The following FRMD4A variants were observed in gnomAD, a reference collection of about 807,000 sequenced individuals.
FRMD4A encodes FERM domain containing 4A, also known as FERM domain-containing protein 4A.
Under a neutral mutation model 129.1 loss-of-function variants are expected in FRMD4A, and 29 were observed. The observed-to-expected ratio is 0.22, with a 90% CI of 0.17 to 0.31. The LOEUF is 0.31. FRMD4A is among the 10% of genes least tolerant of loss of function. FRMD4A has a pLI of 1.00. For missense variants in FRMD4A, 1,272 were observed against 1,375.8 expected (o/e 0.92, Z 1.19); for synonymous variants, 634 against 571.6 (o/e 1.11, Z -1.56).
intron 15 of FRMD4A, chr10:13,684,111 C>G (rs1212455987): frequency 6.5e-6 from 1 of 154,760 alleles, no homozygotes; most frequent in African/African-American, 2.4e-5. Flanking sequence ...AAAATCTTTC[C>G]TCCCAGTTAT....
chr10:13,784,591 G>C (rs1353546940), intron 5 of FRMD4A, among the ~76,000 whole-genome samples: 1 of 152,214 alleles, frequency 6.6e-6, no homozygotes, highest in Admixed American at 6.5e-5. Context: ...AAATGGAAGA[G>C]GAGGAGAGTT....
chr10:13,719,721 T>TG (rs2089238927), intron 12 of FRMD4A, among the ~76,000 whole-genome samples: 1 of 152,138 alleles, frequency 6.6e-6, no homozygotes, highest in Admixed American at 6.5e-5. Context: ...CTGTTAAAAC[T>TG]GGCCAAGACA....
At chr10:14,149,964 G>C (rs1840260325) in intron 2 of FRMD4A, among the ~76,000 whole-genome samples, 1 of 152,170 alleles carries the variant, frequency 6.6e-6, no homozygotes, top group African/African-American at 2.4e-5. Context: ...GACATGGCTG[G>C]GGAGGCCTCA....
chr10:14,135,008 T>G (rs1290539055), intron 2 of FRMD4A, among the ~76,000 whole-genome samples: 3 of 152,236 alleles, frequency 2.0e-5, no homozygotes. Context: ...CTAATTTTTT[T>G]TGAGGACTAG....
At chr10:13,813,250 G>T (rs992547301) in intron 3 of FRMD4A, among the ~76,000 whole-genome samples, 1 of 152,228 alleles carries the variant, frequency 6.6e-6, no homozygotes, top group Admixed American at 6.5e-5. Flanking sequence ...TTTGAGACCA[G>T]CCTGGCCAAC....
At chr10:13,971,541 T>C in intron 2 of FRMD4A, 2 of 534,544 alleles carry the variant, frequency 3.7e-6, no homozygotes, top group East Asian at 1.4e-4. Context: ...CCCTGTTAAA[T>C]GTAACATGCT....
intron 2 of FRMD4A, among the ~76,000 whole-genome samples, chr10:14,044,656 G>T (rs983457312): frequency 6.6e-6 from 1 of 152,356 alleles, no homozygotes; most frequent in South Asian, 2.1e-4. Context: ...GCCTTCAGAG[G>T]CAGTGGGGCT....
chr10:14,240,137 T>C (rs1173276140), intron 2 of FRMD4A, among the ~76,000 whole-genome samples: 1 of 152,138 alleles, frequency 6.6e-6, no homozygotes, highest in Non-Finnish European at 1.5e-5. Context: ...AGTAATGACA[T>C]CTTCATTATT....
intron 2 of FRMD4A, among the ~76,000 whole-genome samples, chr10:13,979,835 C>A (rs1422664694): frequency 6.6e-6 from 1 of 152,194 alleles, no homozygotes; most frequent in Non-Finnish European, 1.5e-5. Flanking sequence ...AAAACACAGG[C>A]TATGGCTTCT....
intron 2 of FRMD4A, among the ~76,000 whole-genome samples, chr10:14,207,383 T>C (rs1292006272): frequency 6.6e-6 from 1 of 152,104 alleles, no homozygotes; most frequent in Non-Finnish European, 1.5e-5. Context: ...TACATTGTAA[T>C]ATATAATTAA....
intron 2 of FRMD4A, among the ~76,000 whole-genome samples, chr10:13,900,756 G>A (rs2094810155): frequency 6.6e-6 from 1 of 152,094 alleles, no homozygotes; most frequent in South Asian, 2.1e-4. Flanking sequence ...AATTAGCCAG[G>A]CGTGTTGGCA....
At chr10:13,986,639 A>G (rs1194616418) in intron 2 of FRMD4A, among the ~76,000 whole-genome samples, 1 of 150,076 alleles carries the variant, frequency 6.7e-6, no homozygotes, top group Non-Finnish European at 1.5e-5. Flanking sequence ...CTAAAACTTA[A>G]AGTATAACAA....
intron 2 of FRMD4A, among the ~76,000 whole-genome samples, chr10:14,270,422 C>G (rs532364013): frequency 5.3e-5 from 8 of 152,284 alleles, no homozygotes; most frequent in Non-Finnish European, 1.2e-4. Context: ...AGGCTATTAT[C>G]CTATCTACCA....
intron 2 of FRMD4A, among the ~76,000 whole-genome samples, chr10:13,922,154 G>C (rs1565043694): frequency 6.6e-6 from 1 of 152,184 alleles, no homozygotes; most frequent in Non-Finnish European, 1.5e-5. Flanking sequence ...TCTTGATCTT[G>C]GACTTCCAGC....
intron 2 of FRMD4A, among the ~76,000 whole-genome samples, chr10:14,161,718 T>C (rs934876036): frequency 9.2e-5 from 14 of 151,988 alleles, no homozygotes; most frequent in Admixed American, 7.9e-4. Context: ...AAACCTACAG[T>C]TGGATAGAAG....
rs538631275 is a variant in FRMD4A at position 14,214,127 on chromosome 10, G to T, written c.45+115931C>A. Among the ~76,000 whole-genome samples the T allele has an allele frequency of 2.6e-5, 4 of 152,356 alleles. No individual in the cohort carries two copies. In the South Asian group the frequency reaches 8.3e-4, roughly 32 times the overall value. ...CCTCCCCAGCCATGTGGAACTGTGA[G>T]TCCGTTAAACCTCTTTTTCTTTTTT... is the stretch of plus-strand genomic sequence containing the variant. On this transcript the variant is annotated intron_variant, in intron 2 of 24. Coordinates refer to ENST00000357447, the MANE Select transcript of FRMD4A (RefSeq NM_018027.5).
At chr10:14,256,915 ATT>A (rs1465435205) in intron 2 of FRMD4A, among the ~76,000 whole-genome samples, 2 of 152,212 alleles carry the variant, frequency 1.3e-5, no homozygotes, top group African/African-American at 2.4e-5. Flanking sequence ...GTATAGAGCA[ATT>A]TAAGAAAATA....
At chr10:13,998,051 C>G (rs953633147) in intron 2 of FRMD4A, among the ~76,000 whole-genome samples, 3 of 152,202 alleles carry the variant, frequency 2.0e-5, no homozygotes, top group Non-Finnish European at 4.4e-5. Flanking sequence ...CTCTTTCTAC[C>G]TCACTGGCTG....
chr10:13,824,216 G>A (rs192811720), intron 3 of FRMD4A, among the ~76,000 whole-genome samples: 72 of 150,012 alleles, frequency 4.8e-4, no homozygotes, highest in African/African-American at 1.5e-3. Flanking sequence ...GGTGTCTCCC[G>A]CCTGTAATCC....
Sources: allele counts gnomAD v4.1 joint callset (sites outside exome capture counted in the v4.1 genomes callset), GRCh38; gene constraint gnomAD v4.1.1; transcripts MANE v1.5; gene names NCBI Gene and HGNC (gene_info 2026-07-23, HGNC 2026-07-21).